TBC1D12: variants seen among roughly 807,000 people sequenced by gnomAD.
TBC1D12 encodes TBC1 domain family, member 12.
TBC1D12 carries 56 observed loss-of-function variants against 86.7 expected under a neutral mutation model. That is an observed-to-expected ratio of 0.65 (90% CI 0.52 to 0.81). TBC1D12 has a LOEUF of 0.81. Among genes scored for constraint, TBC1D12 ranks in the 30% least tolerant of loss-of-function variants. The pLI is 0.00. For missense variants in TBC1D12, 1,023 were observed against 1,038.8 expected, an observed-to-expected ratio of 0.98 and a Z score of 0.21; for synonymous variants, 421 against 411.7, an observed-to-expected ratio of 1.02 and a Z score of -0.27.
rs979267627 is a variant in TBC1D12 at position 94,533,947 on chromosome 10, C to A, written c.*851C>A. The A allele has an allele frequency of 6.6e-6, 1 of 152,042 alleles. No individual in the cohort carries two copies. The highest frequency in any genetic ancestry group is 1.5e-5 in the Non-Finnish European group (1 of 67,994). 9.4% of individuals were successfully genotyped at this position (152,042 alleles called of 1,614,324 possible). A position where few individuals can be genotyped will look rare whatever the true frequency, so the allele number is the denominator to read the frequency against. On this transcript the variant is annotated 3_prime_UTR_variant, in exon 13 of 13. Coordinates refer to ENST00000225235, the MANE Select transcript of TBC1D12 (RefSeq NM_015188.2). ...GTGATAAGAGTAAAAAGTAATGAAT[C>A]CTGAGAGTTCTTAAACAGCATGCTA... is the stretch of plus-strand genomic sequence containing the variant.
Position 94,403,311 on chromosome 10 carries a change from C to A in TBC1D12, c.698C>A (p.Ser233Ter). The A allele has an allele frequency of 6.6e-7, 1 of 1,516,066 alleles. No individual in the cohort carries two copies. The highest frequency in any genetic ancestry group is 2.1e-5 in the Admixed American group (1 of 47,614). The allele number at this position is 1,516,066 out of a possible 1,614,324, so 93.9% of individuals were successfully genotyped here. A position where few individuals can be genotyped will look rare whatever the true frequency, so the allele number is the denominator to read the frequency against. The part of the protein sequence containing the change: ...PASSCSSSED[S>*]EQRGVGAGGP... Reference sequence around the variant, plus strand: ...AGCAGCTGCAGCAGTAGCGAGGACTCAGAGCAGCGGGGAGTCGGCGCCGGG... The same window carrying A: ...AGCAGCTGCAGCAGTAGCGAGGACTAAGAGCAGCGGGGAGTCGGCGCCGGG... Residue 233 changes from serine to a stop codon, truncating the protein, a stop_gained, in exon 1 of 13, where the codon TCA becomes TAA. Transcript: ENST00000225235. LOFTEE classifies it high-confidence loss of function.
At chr10:94,480,048 T>C (rs932649525) in intron 3 of TBC1D12, among the ~76,000 whole-genome samples, 3 of 152,218 alleles carry the variant, frequency 2.0e-5, no homozygotes, top group Non-Finnish European at 4.4e-5. Flanking sequence ...ACTAATCGCC[T>C]GACCTCTACA....
At chr10:94,478,002 T>C (rs368265146) in intron 3 of TBC1D12, among the ~76,000 whole-genome samples, 1 of 152,156 alleles carries the variant, frequency 6.6e-6, no homozygotes, top group South Asian at 2.1e-4. Context: ...ACAGAGGAGC[T>C]AGGCATGGTG....
intron 6 of TBC1D12, among the ~76,000 whole-genome samples, chr10:94,501,179 T>C (rs1209827638): frequency 6.6e-6 from 1 of 152,174 alleles, no homozygotes; most frequent in Non-Finnish European, 1.5e-5. Context: ...CCGGGCATGG[T>C]GGCTCATGCG....
At chr10:94,497,728 C>A (rs1009404288) in intron 5 of TBC1D12, among the ~76,000 whole-genome samples, 14 of 148,142 alleles carry the variant, frequency 9.5e-5, no homozygotes, top group African/African-American at 3.5e-4. Flanking sequence ...GGGGTTTCAC[C>A]GTGGTGTCTG....
At chr10:94,484,457 C>A (rs1388515229) in intron 3 of TBC1D12, among the ~76,000 whole-genome samples, 1 of 152,018 alleles carries the variant, frequency 6.6e-6, no homozygotes, top group African/African-American at 2.4e-5. Context: ...TCAGGGTGGT[C>A]TTGAACTCCC....
intron 2 of TBC1D12, chr10:94,447,535 A>C: frequency 3.4e-6 from 3 of 873,078 alleles, no homozygotes; most frequent in Non-Finnish European, 4.1e-6. Flanking sequence ...GGATTATAGC[A>C]AAATCAAACT....
intron 5 of TBC1D12, 73 bp from the exon 6 acceptor site, chr10:94,500,148 A>G (rs2056375623): frequency 6.7e-6 from 9 of 1,346,612 alleles, no homozygotes; most frequent in Non-Finnish European, 8.3e-6. Context: ...TAGACTAAAG[A>G]TAATCCATCA....
At chr10:94,459,762 G>A (rs893750306) in intron 2 of TBC1D12, among the ~76,000 whole-genome samples, 7 of 152,134 alleles carry the variant, frequency 4.6e-5, no homozygotes, top group African/African-American at 1.2e-4. Flanking sequence ...CTCACTGCCC[G>A]GGGCCAGTGG....
chr10:94,416,736 C>T (rs911122094), intron 1 of TBC1D12, among the ~76,000 whole-genome samples: 1 of 152,008 alleles, frequency 6.6e-6, no homozygotes, highest in Non-Finnish European at 1.5e-5. Flanking sequence ...TGCATCAGTA[C>T]TGAGGAAGGG....
chr10:94,463,802 G>C (rs767037021), intron 2 of TBC1D12, among the ~76,000 whole-genome samples: 9 of 152,086 alleles, frequency 5.9e-5, no homozygotes, highest in Non-Finnish European at 1.2e-4. Flanking sequence ...TATCAGTTTA[G>C]GTCATGTTAG....
At chr10:94,531,700 T>G (rs1842424696) in intron 12 of TBC1D12, among the ~76,000 whole-genome samples, 2 of 88,828 alleles carry the variant, frequency 2.3e-5, no homozygotes, top group Admixed American at 1.0e-4. Flanking sequence ...TTATTTTATG[T>G]TATGTTATTT....
Position 94,403,560 on chromosome 10 carries a change from G to A in TBC1D12, c.947G>A (p.Gly316Asp), listed in dbSNP as rs765145860. 874 of 1,480,240 alleles carry A rather than the reference G, an allele frequency of 5.9e-4. 2 individuals are homozygous for A. The highest frequency in any genetic ancestry group is 7.6e-4 in the Non-Finnish European group (856 of 1,125,916). 91.7% of individuals were successfully genotyped at this position (1,480,240 alleles called of 1,614,324 possible). A position where few individuals can be genotyped will look rare whatever the true frequency, so the allele number is the denominator to read the frequency against. The change falls in exon 1 of 13, where the codon GGC becomes GAC. Residue 316 changes from glycine to aspartate, a missense_variant. Coordinates refer to ENST00000225235, the MANE Select transcript of TBC1D12 (RefSeq NM_015188.2). ...AGASARARRSGGFADFFTRNL... is the reference protein window; with the variant it reads ...AGASARARRSDGFADFFTRNL... ...GCTTCGGCCCGGGCTCGACGGAGTG[G>A]CGGCTTCGCGGACTTCTTCACCAGG...
intron 2 of TBC1D12, among the ~76,000 whole-genome samples, chr10:94,466,189 C>CA (rs2055821687): frequency 6.6e-6 from 1 of 151,958 alleles, no homozygotes; most frequent in East Asian, 1.9e-4. Flanking sequence ...TGTTTACCTC[C>CA]TTTCTAACTT....
chr10:94,436,144 CT>C (rs202015240), intron 1 of TBC1D12, among the ~76,000 whole-genome samples: 2,293 of 143,766 alleles, frequency 0.016, 46 homozygotes, highest in East Asian at 0.06. Context: ...TCCTTTATTC[CT>C]TTTTTTTTTT....
At chr10:94,469,024 A>T (rs2055863517) in intron 2 of TBC1D12, among the ~76,000 whole-genome samples, 1 of 152,214 alleles carries the variant, frequency 6.6e-6, no homozygotes, top group South Asian at 2.1e-4. Context: ...TAGTTATGGG[A>T]TAAATTAGCT....
intron 2 of TBC1D12, among the ~76,000 whole-genome samples, chr10:94,471,938 T>C (rs1276142236): frequency 1.3e-5 from 2 of 152,234 alleles, no homozygotes; most frequent in Non-Finnish European, 2.9e-5. Context: ...GATTTTTCTT[T>C]TGGCAAGAAT....
chr10:94,402,971 G>A lies in TBC1D12; in HGVS notation c.358G>A (p.Ala120Thr), dbSNP rs761302886. 4.3e-5 allele frequency: 67 copies of A among 1,575,328 alleles called. No homozygotes were observed. The highest frequency in any genetic ancestry group is 8.9e-5 in the Admixed American group (5 of 56,040). Residue 120 changes from alanine (A) to threonine (T), a missense_variant, in exon 1 of 13, where the codon GCG becomes ACG. This residue lies in a region of TBC1D12 where 628 missense variants were observed against 531.1 expected (regional missense o/e 1.18). Coordinates refer to ENST00000225235, the MANE Select transcript of TBC1D12 (RefSeq NM_015188.2). ...GGGCTCGGGCTCCAAACACCGCGGC[G>A]CGGAGGTGGCTGATGGCCGCGCGCC... is the stretch of plus-strand genomic sequence containing the variant. ...LLGSGSKHRG[A>T]EVADGRAPRH... is the part of the protein sequence containing the mutation.
Position 94,432,574 on chromosome 10 carries a change from C to G in TBC1D12, c.972-9322C>G, listed in dbSNP as rs569112816. ...ATTAATGTGGAACAATATCTGATGG[C>G]CTTTCTTAGCAACTGGATACCTGTG... On this transcript the variant is annotated intron_variant, in intron 1 of 12. Transcript: ENST00000225235. Among the ~76,000 whole-genome samples, 213 of 152,230 alleles carry G rather than the reference C, an allele frequency of 1.4e-3. 1 individual carries two copies. Among genetic ancestry groups the G allele is most frequent in the African/African-American group, 5.0e-3 (209 of 41,542 alleles).
Sources: allele counts gnomAD v4.1 joint callset (sites outside exome capture counted in the v4.1 genomes callset), GRCh38; gene constraint gnomAD v4.1.1; regional missense constraint gnomAD v4.1.1; transcripts MANE v1.5; gene names NCBI Gene and HGNC (gene_info 2026-07-23, HGNC 2026-07-21).